Variants in PTP4A1 observed in about 807,000 individuals in gnomAD.
PTP4A1 encodes the protein protein tyrosine phosphatase type IVA 1.
Under a neutral mutation model 20.5 loss-of-function variants are expected in PTP4A1, and 9 were observed. The observed-to-expected ratio is 0.44, with a 90% CI of 0.26 to 0.77. PTP4A1 has a LOEUF of 0.77. Ranked by LOEUF, PTP4A1 falls within the 30% of genes least tolerant of loss-of-function variation. PTP4A1 has a pLI of 0.19. For missense variants in PTP4A1, 137 were observed against 218.8 expected (o/e 0.63, Z 2.36); for synonymous variants, 78 against 67.4 (o/e 1.16, Z -0.77).
chr6:63,518,107 G>A (rs1278224162), upstream of PTP4A1, among the ~76,000 whole-genome samples: 1 of 144,528 alleles, frequency 6.9e-6, no homozygotes, highest in Non-Finnish European at 1.5e-5. Flanking sequence ...AGCCCAGATA[G>A]TACCATATCG....
At chr6:63,520,367 C>T (rs996001990), upstream of PTP4A1, among the ~76,000 whole-genome samples, 1 of 152,142 alleles carries the variant, frequency 6.6e-6, no homozygotes, top group Non-Finnish European at 1.5e-5. Context: ...TGGCTCATGC[C>T]TGTAATCCCA....
intron 2 of PTP4A1, among the ~76,000 whole-genome samples, chr6:63,542,943 G>A (rs1776042930): frequency 6.6e-6 from 1 of 152,030 alleles, no homozygotes; most frequent in Non-Finnish European, 1.5e-5. Flanking sequence ...CCATAAAACA[G>A]CCAGAAGCAT....
At chr6:63,547,562 G>A (rs1464059207) in intron 2 of PTP4A1, among the ~76,000 whole-genome samples, 13 of 135,940 alleles carry the variant, frequency 9.6e-5, no homozygotes, top group African/African-American at 3.6e-4. Flanking sequence ...CTGGAGTGCA[G>A]TGGTACGATC....
At position 63,583,153 on chromosome 6, in the gene PTP4A1, T is replaced by C. The variant is rs767544031; in HGVS notation, c.*2979T>C. The C allele has an allele frequency of 5.9e-5, 9 of 152,182 alleles. No individual in the cohort carries two copies. The highest frequency in any genetic ancestry group is 8.8e-5 in the Non-Finnish European group (6 of 68,038). 9.4% of individuals were successfully genotyped at this position (152,182 alleles called of 1,614,324 possible). A position where few individuals can be genotyped will look rare whatever the true frequency, so the allele number is the denominator to read the frequency against. ...CTTTCTATTGGAGTTTCAGGAAATA[T>C]AATTTGAGAATACTTTAAAGGGAAG... On this transcript the variant is annotated 3_prime_UTR_variant, in exon 6 of 6. Coordinates refer to ENST00000626021, the MANE Select transcript of PTP4A1 (RefSeq NM_003463.5).
chr6:63,527,853 G>A (rs1027501411), exon 2 of PTP4A1: 1 of 152,226 alleles, frequency 6.6e-6, no homozygotes. Flanking sequence ...ACATGAAAGG[G>A]TGACTCATAA....
chr6:63,520,075 T>C (rs1774866181), upstream of PTP4A1, among the ~76,000 whole-genome samples: 1 of 152,202 alleles, frequency 6.6e-6, no homozygotes, highest in Non-Finnish European at 1.5e-5. Context: ...CACATAAATT[T>C]GCGAGAACAT....
intron 3 of PTP4A1, 42 bp from the exon 4 acceptor site, chr6:63,578,856 T>C (rs2149516719): frequency 6.9e-7 from 1 of 1,443,324 alleles, no homozygotes; most frequent in Non-Finnish European, 9.3e-7. Context: ...CTACAGTGTT[T>C]ATATTAATGA....
In PTP4A1 at chr6:63,550,979, T is replaced by C. The variant is rs558259975; in HGVS notation, c.-446+486T>C. ...TTTGCTTTGAGAATCTAATTGTATA[T>C]ACATGACCATAATTACCTGGACCTC... is the stretch of plus-strand genomic sequence containing the variant. On this transcript the variant is annotated intron_variant, in intron 3 of 3. Coordinates refer to the PTP4A1 transcript ENST00000639568. 2.0e-5 allele frequency among the ~76,000 whole-genome samples: 3 copies of C among 152,276 alleles called. No individual in the cohort carries two copies. The South Asian group carries it at 6.2e-4, about 32-fold the overall frequency.
In PTP4A1 at chr6:63,582,491, T is replaced by G. The variant is rs937016024; in HGVS notation, c.*2317T>G. On this transcript the variant is annotated 3_prime_UTR_variant, in exon 6 of 6. Transcript: ENST00000626021. Reference sequence around the variant, plus strand: ...CCAAATATTTTGTATCTTGTAAATATGGCTAATTATAGGAATGCCTATAAT... The same window carrying G: ...CCAAATATTTTGTATCTTGTAAATAGGGCTAATTATAGGAATGCCTATAAT... 1.3e-5 allele frequency: 2 copies of G among 152,650 alleles called. No homozygotes were observed. The highest frequency in any genetic ancestry group is 1.3e-4 in the Admixed American group (2 of 15,272). The allele number at this position is 152,650 out of a possible 1,614,324, so 9.5% of individuals were successfully genotyped here.
intron 3 of PTP4A1, among the ~76,000 whole-genome samples, chr6:63,557,192 G>T (rs1776728221): frequency 6.6e-6 from 1 of 152,184 alleles, no homozygotes; most frequent in Admixed American, 6.5e-5. Flanking sequence ...TGCTGCAATA[G>T]AGGTATTTGC....
upstream of PTP4A1, among the ~76,000 whole-genome samples, chr6:63,569,383 A>G (rs1428376639): frequency 6.6e-6 from 1 of 152,112 alleles, no homozygotes; most frequent in African/African-American, 2.4e-5. Context: ...CAGCCTCCCA[A>G]GTAACTGGGA....
chr6:63,566,288 T>C (rs1283178042), intron 3 of PTP4A1, among the ~76,000 whole-genome samples: 1 of 152,206 alleles, frequency 6.6e-6, no homozygotes, highest in Non-Finnish European at 1.5e-5. Context: ...CAATGTATTA[T>C]TGTGATGGAC....
chr6:63,549,740 G>T (rs931301917), intron 2 of PTP4A1, among the ~76,000 whole-genome samples: 87 of 152,082 alleles, frequency 5.7e-4, no homozygotes, highest in African/African-American at 2.0e-3. Flanking sequence ...TCACTCATAT[G>T]TGGAAGCTAA....
chr6:63,570,092 C>T (rs1043813781), upstream of PTP4A1, among the ~76,000 whole-genome samples: 2 of 152,182 alleles, frequency 1.3e-5, no homozygotes, highest in Admixed American at 6.5e-5. Flanking sequence ...TGTGTCCTTT[C>T]CTTTGGGAGA....
chr6:63,545,338 G>A (rs888008981), intron 2 of PTP4A1, among the ~76,000 whole-genome samples: 3 of 152,134 alleles, frequency 2.0e-5, no homozygotes, highest in South Asian at 2.1e-4. Context: ...GGCTGGGTGT[G>A]GTGGCTCATG....
At position 63,580,773 on chromosome 6, in the gene PTP4A1, T is replaced by C. The variant is rs2149518774; in HGVS notation, c.*599T>C. ...AGTCTTACAGTGATTATTTTACGTG[T>C]TTCCATGTATCTCACTTTGTGCTGT... On this transcript the variant is annotated 3_prime_UTR_variant, in exon 6 of 6. Transcript: ENST00000626021. The C allele has an allele frequency of 6.6e-6, 1 of 152,528 alleles. No individual in the cohort carries two copies. Among genetic ancestry groups the C allele is most frequent in the Admixed American group, 6.6e-5 (1 of 15,256 alleles). The allele number at this position is 152,528 out of a possible 1,614,324, so 9.4% of individuals were successfully genotyped here.
intron 1 of PTP4A1, among the ~76,000 whole-genome samples, chr6:63,522,599 G>A (rs1196015510): frequency 1.3e-5 from 2 of 152,132 alleles, no homozygotes; most frequent in East Asian, 1.9e-4. Context: ...TACATTATTT[G>A]TATTAGTTAA....
At chr6:63,542,574 T>C (rs907449702) in intron 2 of PTP4A1, among the ~76,000 whole-genome samples, 7 of 152,246 alleles carry the variant, frequency 4.6e-5, no homozygotes, top group African/African-American at 1.7e-4. Flanking sequence ...TCTCTTCAGT[T>C]CAGTTTTTGC....
At chr6:63,561,050 C>T (rs779099581) in intron 3 of PTP4A1, among the ~76,000 whole-genome samples, 11 of 152,092 alleles carry the variant, frequency 7.2e-5, no homozygotes, top group African/African-American at 1.4e-4. Context: ...GATCAGAACA[C>T]GTAGGAAGCC....
Sources: gnomAD v4.1 joint callset for allele counts (sites outside exome capture counted in the v4.1 genomes callset) on GRCh38, gnomAD v4.1.1 for gene constraint, MANE v1.5 for transcripts, NCBI Gene and HGNC (gene_info 2026-07-23, HGNC 2026-07-21) for gene names.